Variants in KCNIP4 observed in about 807,000 individuals in gnomAD.
KCNIP4 encodes potassium voltage-gated channel interacting protein 4.
In KCNIP4, 12 loss-of-function variants were observed where a neutral mutation model predicts 34.0. That is an observed-to-expected ratio of 0.35 (90% CI 0.23 to 0.57). The LOEUF (loss-of-function observed/expected upper bound fraction) is 0.57. KCNIP4 is among the 20% of genes least tolerant of loss of function. KCNIP4 has a pLI of 0.83. For missense variants in KCNIP4, 238 were observed against 311.7 expected, an observed-to-expected ratio of 0.76 and a Z score of 1.78; for synonymous variants, 124 against 102.2, an observed-to-expected ratio of 1.21 and a Z score of -1.29.
chr4:21,880,093 G>A (rs1029770748), intron 1 of KCNIP4, among the ~76,000 whole-genome samples: 42 of 152,128 alleles, frequency 2.8e-4, no homozygotes, highest in African/African-American at 9.4e-4. Flanking sequence ...TCTTATTAGC[G>A]GCGTGAGAAT....
chr4:21,550,917 C>T (rs1326692131), intron 1 of KCNIP4, among the ~76,000 whole-genome samples: 1 of 152,056 alleles, frequency 6.6e-6, no homozygotes, highest in African/African-American at 2.4e-5. Flanking sequence ...CTCTCCCCTT[C>T]CGTAGTCAGT....
intron 1 of KCNIP4, among the ~76,000 whole-genome samples, chr4:21,319,904 T>A (rs552970638): frequency 6.6e-6 from 1 of 152,290 alleles, no homozygotes; most frequent in South Asian, 2.1e-4. Context: ...GAAAAAAGAA[T>A]AGGATAGAAC....
intron 1 of KCNIP4, among the ~76,000 whole-genome samples, chr4:21,634,343 G>C (rs1402600307): frequency 1.3e-5 from 2 of 151,624 alleles, no homozygotes; most frequent in South Asian, 2.1e-4. Flanking sequence ...AGAGTAGATG[G>C]CATGGCTTTT....
intron 1 of KCNIP4, among the ~76,000 whole-genome samples, chr4:21,344,129 C>G (rs958489770): frequency 1.3e-5 from 2 of 152,150 alleles, no homozygotes; most frequent in African/African-American, 2.4e-5. Flanking sequence ...ACTATAAGTA[C>G]AGTCAATAAG....
chr4:21,651,875 A>G (rs1747507677), intron 1 of KCNIP4, among the ~76,000 whole-genome samples: 1 of 152,156 alleles, frequency 6.6e-6, no homozygotes. Context: ...ACATCTATGT[A>G]TATATATAGC....
At chr4:21,575,320 C>A (rs12505463) in intron 1 of KCNIP4, among the ~76,000 whole-genome samples, 50,831 of 151,972 alleles carry the variant, frequency 0.33, 8,945 homozygotes, top group African/African-American at 0.42. Context: ...GTTTAGGGCA[C>A]ATCACTTTGA....
chr4:20,867,787 A>T (rs1723021280), intron 2 of KCNIP4, among the ~76,000 whole-genome samples: 1 of 152,082 alleles, frequency 6.6e-6, no homozygotes, highest in African/African-American at 2.4e-5. Flanking sequence ...AGGACAAAAA[A>T]CCAAACACTG....
intron 1 of KCNIP4, among the ~76,000 whole-genome samples, chr4:21,827,385 T>C (rs1195180827): frequency 6.6e-6 from 1 of 152,036 alleles, no homozygotes; most frequent in Non-Finnish European, 1.5e-5. Flanking sequence ...AAATACTTCT[T>C]GAGAAATTTC....
At chr4:21,283,330 T>G (rs1457727202) in intron 1 of KCNIP4, among the ~76,000 whole-genome samples, 2 of 152,104 alleles carry the variant, frequency 1.3e-5, no homozygotes, top group Non-Finnish European at 2.9e-5. Context: ...TATACATTTT[T>G]CCTTCATAAA....
intron 3 of KCNIP4, among the ~76,000 whole-genome samples, chr4:20,784,765 G>T (rs1711724615): frequency 6.6e-6 from 1 of 152,144 alleles, no homozygotes; most frequent in Non-Finnish European, 1.5e-5. Context: ...TCACAATCGA[G>T]TGGAAAGCAA....
chr4:20,809,861 T>C (rs1037905084), intron 3 of KCNIP4, among the ~76,000 whole-genome samples: 2 of 152,208 alleles, frequency 1.3e-5, no homozygotes, highest in East Asian at 1.9e-4. Context: ...CTTACCTTTC[T>C]ACTCCTCAGC....
At chr4:21,462,388 G>A (rs1729532626) in intron 1 of KCNIP4, among the ~76,000 whole-genome samples, 1 of 152,094 alleles carries the variant, frequency 6.6e-6, no homozygotes, top group Non-Finnish European at 1.5e-5. Flanking sequence ...GCTTCTGCAG[G>A]AAAACTCCCT....
chr4:21,582,986 A>G lies in KCNIP4; in HGVS notation c.61+365585T>C, dbSNP rs541812761. ...TGCCTTTCTCACACTAGCAATGCTCATAAATCGGGCCTTTAACTAAAAATC... is the reference window on the plus strand; with the variant it reads ...TGCCTTTCTCACACTAGCAATGCTCGTAAATCGGGCCTTTAACTAAAAATC... On this transcript the variant is annotated intron_variant, in intron 1 of 8. Coordinates refer to ENST00000382152, the MANE Select transcript of KCNIP4 (RefSeq NM_025221.6). Among the ~76,000 whole-genome samples, 119 of 152,072 alleles carry G rather than the reference A, an allele frequency of 7.8e-4. 1 individual carries two copies. Among genetic ancestry groups the G allele is most frequent in the African/African-American group, 2.8e-3 (118 of 41,542 alleles).
intron 1 of KCNIP4, among the ~76,000 whole-genome samples, chr4:21,585,647 C>T (rs73252281): frequency 0.065 from 9,911 of 151,992 alleles, 471 homozygotes; most frequent in African/African-American, 0.13. Flanking sequence ...CCATATATTA[C>T]AGGAAGCATT....
intron 1 of KCNIP4, among the ~76,000 whole-genome samples, chr4:20,937,752 T>C (rs1358989100): frequency 6.6e-6 from 1 of 151,866 alleles, no homozygotes; most frequent in African/African-American, 2.4e-5. Flanking sequence ...TGGATGAAGC[T>C]ACCTCTTCCA....
intron 1 of KCNIP4, among the ~76,000 whole-genome samples, chr4:20,910,924 A>G (rs376864758): frequency 6.6e-6 from 1 of 152,166 alleles, no homozygotes; most frequent in South Asian, 2.1e-4. Context: ...CTCCTTTAAC[A>G]TAAGAACTTC....
At chr4:21,461,797 T>C (rs1729485996) in intron 1 of KCNIP4, among the ~76,000 whole-genome samples, 1 of 151,936 alleles carries the variant, frequency 6.6e-6, no homozygotes, top group Non-Finnish European at 1.5e-5. Flanking sequence ...TTAATGGTGC[T>C]AGAAAGAGTC....
At chr4:21,504,011 T>C (rs563222774) in intron 1 of KCNIP4, among the ~76,000 whole-genome samples, 2 of 152,298 alleles carry the variant, frequency 1.3e-5, no homozygotes, top group African/African-American at 2.4e-5. Context: ...AGGATGTCTG[T>C]TAAAAATGTT....
At chr4:21,066,147 C>T (rs532575590) in intron 1 of KCNIP4, among the ~76,000 whole-genome samples, 3 of 152,020 alleles carry the variant, frequency 2.0e-5, no homozygotes, top group African/African-American at 7.2e-5. Flanking sequence ...TCAACAACAC[C>T]GGTGGGAAAT....
Sources: allele counts gnomAD v4.1 joint callset (sites outside exome capture counted in the v4.1 genomes callset), GRCh38; gene constraint gnomAD v4.1.1; transcripts MANE v1.5; gene names NCBI Gene and HGNC (gene_info 2026-07-23, HGNC 2026-07-21).